Variants in ATXN7 observed in about 807,000 individuals in gnomAD.
The protein encoded by ATXN7 is ataxin-7.
ATXN7 carries 12 observed loss-of-function variants against 70.5 expected under a neutral mutation model. The observed-to-expected ratio is 0.17, with a 90% confidence interval of 0.11 to 0.28. The LOEUF is 0.28. Among genes scored for constraint, ATXN7 ranks in the 10% least tolerant of loss-of-function variants. ATXN7 has a pLI of 1.00. For missense variants in ATXN7, 1,256 were observed against 1,131.7 expected (o/e 1.11, Z -1.58); for synonymous variants, 498 against 448.7 (o/e 1.11, Z -1.39).
chr3:63,954,883 A>G (rs1015974867), intron 5 of ATXN7, among the ~76,000 whole-genome samples: 4 of 151,418 alleles, frequency 2.6e-5, no homozygotes, highest in African/African-American at 4.9e-5. Context: ...TAATTTTTGT[A>G]TTTTTATTAG....
In ATXN7 at chr3:63,968,776, C is replaced by CT. The variant is rs1180615581; in HGVS notation, c.500-11138dup. On this transcript the variant is annotated intron_variant, in intron 5 of 12. Coordinates refer to ENST00000674280, the MANE Select transcript of ATXN7 (RefSeq NM_001377405.1). Reference sequence around the variant, plus strand: ...CTGGTCTCAATATTACCTTACCTGTCTCAGACCTTCTGTCTTCATGCGGGA... The same window carrying CT: ...CTGGTCTCAATATTACCTTACCTGTCTTCAGACCTTCTGTCTTCATGCGGGA... Among the ~76,000 whole-genome samples the CT allele has an allele frequency of 5.8e-4, 88 of 152,254 alleles. 2 individuals are homozygous for CT. Among genetic ancestry groups the CT allele is most frequent in the Admixed American group, 5.7e-3 (87 of 15,288 alleles).
At chr3:63,900,834 C>G (rs1703610016) in intron 2 of ATXN7, 1 of 152,158 alleles carries the variant, frequency 6.6e-6, no homozygotes, top group Non-Finnish European at 1.5e-5. Flanking sequence ...AGTAAGTGAC[C>G]AAGAAGCAGA....
At chr3:63,902,357 C>T (rs772380275) in intron 2 of ATXN7, among the ~76,000 whole-genome samples, 1 of 152,042 alleles carries the variant, frequency 6.6e-6, no homozygotes, top group African/African-American at 2.4e-5. Flanking sequence ...TGCAGTGAGC[C>T]GTGATTGCAC....
intron 2 of ATXN7, among the ~76,000 whole-genome samples, chr3:63,900,313 A>G (rs1251087917): frequency 2.0e-5 from 3 of 152,230 alleles, no homozygotes; most frequent in African/African-American, 7.2e-5. Context: ...AAATGGTAGC[A>G]TTTCAGACAA....
chr3:63,875,592 G>T (rs1461473487), intron 1 of ATXN7, among the ~76,000 whole-genome samples: 1 of 152,100 alleles, frequency 6.6e-6, no homozygotes, highest in East Asian at 1.9e-4. Flanking sequence ...CAATTAGCTG[G>T]GTTTGAAGTA....
chr3:63,900,002 T>G (rs549009945), intron 2 of ATXN7, among the ~76,000 whole-genome samples: 12 of 152,300 alleles, frequency 7.9e-5, no homozygotes, highest in African/African-American at 2.9e-4. Context: ...GAGGATGGTT[T>G]GAGCTCAAGA....
chr3:63,979,559 A>G (rs1288397651), intron 5 of ATXN7, among the ~76,000 whole-genome samples: 2 of 152,230 alleles, frequency 1.3e-5, no homozygotes, highest in Admixed American at 6.5e-5. Flanking sequence ...CTGCAGATGA[A>G]TGAATAATTT....
At chr3:63,961,108 T>A (rs1247617948) in intron 5 of ATXN7, among the ~76,000 whole-genome samples, 2 of 152,218 alleles carry the variant, frequency 1.3e-5, no homozygotes, top group Non-Finnish European at 2.9e-5. Flanking sequence ...ATCTTACTTT[T>A]CAGGGGTACA....
intron 4 of ATXN7, among the ~76,000 whole-genome samples, chr3:63,926,106 A>C (rs1048286823): frequency 2.6e-5 from 4 of 152,148 alleles, no homozygotes; most frequent in Non-Finnish European, 5.9e-5. Context: ...ATCAAAATGA[A>C]TTGTTTCTCC....
intron 1 of ATXN7, among the ~76,000 whole-genome samples, chr3:63,883,849 GA>G (rs201583602): frequency 2.0e-5 from 3 of 151,114 alleles, no homozygotes; most frequent in East Asian, 3.9e-4. Flanking sequence ...CCCAACAACA[GA>G]AAAAAAAATA....
At chr3:63,892,400 AC>A (rs1703297624) in intron 1 of ATXN7, among the ~76,000 whole-genome samples, 1 of 149,894 alleles carries the variant, frequency 6.7e-6, no homozygotes, top group Admixed American at 6.7e-5. Context: ...ACACACACAC[AC>A]ACACACACAC....
intron 12 of ATXN7, chr3:63,999,125 C>A: frequency 3.7e-6 from 1 of 270,204 alleles, no homozygotes; most frequent in East Asian, 8.5e-5. Context: ...CACAAAAGCA[C>A]TGGAATACCT....
chr3:63,950,172 A>G (rs1290766967), intron 4 of ATXN7, among the ~76,000 whole-genome samples: 1 of 152,238 alleles, frequency 6.6e-6, no homozygotes, highest in Non-Finnish European at 1.5e-5. Flanking sequence ...CAAAGGAACC[A>G]GGGCAAAAAA....
intron 12 of ATXN7, 89 bp downstream of exon 12, chr3:63,996,572 G>C: frequency 4.4e-6 from 6 of 1,377,850 alleles, no homozygotes; most frequent in Non-Finnish European, 5.8e-6. Context: ...TGGTTGGGTT[G>C]GTTGGTTGGT....
chr3:63,991,262 G>A (rs1255911886), intron 11 of ATXN7, among the ~76,000 whole-genome samples: 4 of 151,454 alleles, frequency 2.6e-5, no homozygotes, highest in Non-Finnish European at 5.9e-5. Flanking sequence ...ACAATTCTCT[G>A]TCAGGTGACC....
intron 1 of ATXN7, among the ~76,000 whole-genome samples, chr3:63,888,850 AG>A (rs1703172211): frequency 6.6e-6 from 1 of 152,164 alleles, no homozygotes; most frequent in Non-Finnish European, 1.5e-5. Flanking sequence ...TTATCCTCAC[AG>A]TCCCTAACTC....
At position 63,988,187 on chromosome 3, in the gene ATXN7, G is replaced by A. The variant is rs752995222; in HGVS notation, c.1224G>A (p.Pro408=). Residue 408 remains proline (P), a synonymous_variant, in exon 9 of 13, where the codon CCG becomes CCA. Transcript: ENST00000674280. ...GCCATCCGGACTCTCAGCAACCACC[G>A]CAGCCTCTCAGGGACCCGCATCCCG... ...LIRHPDSQQP[P]QPLRDPHPAP... The A allele has an allele frequency of 1.1e-5, 17 of 1,613,838 alleles. No homozygotes were observed. The highest frequency in any genetic ancestry group is 2.7e-5 in the African/African-American group (2 of 74,868).
Position 63,912,819 on chromosome 3 carries a change from C to T in ATXN7, c.221C>T (p.Ala74Val). The T allele has an allele frequency of 6.3e-7, 1 of 1,576,678 alleles. No homozygotes were observed. Among genetic ancestry groups the T allele is most frequent in the African/African-American group, 1.4e-5 (1 of 71,370 alleles). The change falls in exon 3 of 13, where the codon GCA becomes GTA. Residue 74 changes from alanine to valine, a missense_variant. By Grantham distance (64) the Ala-to-Val change is moderately conservative. Coordinates refer to ENST00000674280, the MANE Select transcript of ATXN7 (RefSeq NM_001377405.1). Reference protein sequence around the residue: ...GPGAASTSAAAMATVGERRPL... With the variant: ...GPGAASTSAAVMATVGERRPL... ...GGCGCCGCCTCCACCTCGGCCGCCG[C>T]AATGGCGACGGTCGGGGAGCGCAGG...
chr3:63,998,503 G>A (rs2075795378), intron 12 of ATXN7: 6 of 985,138 alleles, frequency 6.1e-6, no homozygotes, highest in Middle Eastern at 5.2e-4. Flanking sequence ...GTGGCACTAT[G>A]TCTTACTAGA....
Sources: allele counts gnomAD v4.1 joint callset (sites outside exome capture counted in the v4.1 genomes callset), GRCh38; gene constraint gnomAD v4.1.1; transcripts MANE v1.5; gene names NCBI Gene and HGNC (gene_info 2026-07-23, HGNC 2026-07-21).